TTK: variants seen among roughly 807,000 people sequenced by gnomAD.
TTK encodes the protein TTK protein kinase.
A neutral mutation model predicts 117.3 loss-of-function variants in TTK; 59 were observed. The ratio of observed to expected loss-of-function variants is 0.50; its 90% confidence interval spans 0.41 to 0.62. TTK has a LOEUF of 0.62. TTK is among the 20% of genes least tolerant of loss of function. The pLI, the probability that TTK is intolerant of heterozygous loss-of-function variation, is 0.00. For synonymous variants in TTK, 302 were observed against 325.0 expected, an observed-to-expected ratio of 0.93 and a Z score of 0.76; for missense variants, 921 against 989.4, an observed-to-expected ratio of 0.93 and a Z score of 0.93.
intron 2 of TTK, among the ~76,000 whole-genome samples, chr6:80,007,447 G>C (rs1767022138): frequency 6.6e-6 from 1 of 152,028 alleles, no homozygotes; most frequent in Non-Finnish European, 1.5e-5. Flanking sequence ...CAGTGGGAGA[G>C]ATTTAGTTTT....
chr6:80,014,138 A>T (rs1767240919), intron 9 of TTK, among the ~76,000 whole-genome samples: 1 of 152,184 alleles, frequency 6.6e-6, no homozygotes, highest in Admixed American at 6.6e-5. Context: ...AAATACTTAA[A>T]TCTTTTTTCT....
In TTK at chr6:80,042,417, C is replaced by G. The variant is rs112068592; in HGVS notation, c.*215C>G. 260 of 309,228 alleles carry G rather than the reference C, an allele frequency of 8.4e-4. No homozygotes were observed. The highest frequency in any genetic ancestry group is 1.4e-3 in the Non-Finnish European group (229 of 165,716). The allele number at this position is 309,228 out of a possible 1,614,324, so 19.2% of individuals were successfully genotyped here. A position where few individuals can be genotyped will look rare whatever the true frequency, so the allele number is the denominator to read the frequency against. On this transcript the variant is annotated 3_prime_UTR_variant, in exon 22 of 22. Coordinates refer to ENST00000369798, the MANE Select transcript of TTK (RefSeq NM_003318.5). ...AGACTTGTTTTCTCTGTTTTATGCT[C>G]TTGTGTAATCTACTTGACATCATTT... is the stretch of plus-strand genomic sequence containing the variant.
intron 18 of TTK, 113 bp downstream of exon 18, chr6:80,038,160 A>G (rs1767956749): frequency 8.4e-6 from 5 of 594,368 alleles, no homozygotes; most frequent in Non-Finnish European, 1.3e-5. Context: ...TTTTTAGGCC[A>G]TTACAGAGAC....
chr6:80,014,961 A>G (rs1288361976), intron 10 of TTK, among the ~76,000 whole-genome samples: 2 of 152,116 alleles, frequency 1.3e-5, no homozygotes, highest in African/African-American at 2.4e-5. Flanking sequence ...AGGGATATAT[A>G]AGTGGATAAA....
intron 13 of TTK, among the ~76,000 whole-genome samples, chr6:80,031,179 A>G (rs1767751236): frequency 1.3e-5 from 2 of 151,554 alleles, no homozygotes; most frequent in South Asian, 4.1e-4. Context: ...TTTTATATAT[A>G]TTTTTAAGCT....
intron 10 of TTK, among the ~76,000 whole-genome samples, chr6:80,018,726 A>G (rs1025535699): frequency 1.3e-5 from 2 of 151,996 alleles, no homozygotes; most frequent in African/African-American, 4.8e-5. Flanking sequence ...CCAGTATAAC[A>G]GTGAATAGAA....
rs1264541985 is a variant in TTK, at chr6:80,034,974, C to T, written c.1615-11C>T. The T allele has an allele frequency of 6.6e-7, 1 of 1,514,518 alleles. No homozygotes were observed. The highest frequency in any genetic ancestry group is 2.3e-5 in the East Asian group (1 of 42,862). The allele number at this position is 1,514,518 out of a possible 1,614,324, so 93.8% of individuals were successfully genotyped here. On this transcript the variant is annotated splice_polypyrimidine_tract_variant and intron_variant, in intron 14 of 21. Transcript: ENST00000369798. ...AGTATATTCTAAACTTCTCTTTGTT[C>T]TACTCTGTAGGTATTTCAGGTGTTA...
Position 80,007,998 on chromosome 6 carries a change from C to T in TTK, c.329C>T (p.Ala110Val). ...PDKYGQNESF[A>V]RIQVRFAELK... ...AAATATGGCCAAAATGAGAGTTTTG[C>T]TAGAATTCAAGTGAGATTTGCTGAA... Residue 110 changes from alanine to valine, a missense_variant, in exon 3 of 22, where the codon GCT (alanine) becomes GTT (valine). By Grantham distance (64) the Ala-to-Val change is moderately conservative (BLOSUM62 0). Transcript: ENST00000369798. The T allele has an allele frequency of 6.2e-7, 1 of 1,613,306 alleles. No individual in the cohort carries two copies. The highest frequency in any genetic ancestry group is 8.5e-7 in the Non-Finnish European group (1 of 1,179,522).
rs200207796 is a variant in TTK, at chr6:80,007,828, C to A, written c.159C>A (p.Asn53Lys). 6.2e-7 allele frequency: 1 copy of A among 1,610,808 alleles called. No individual in the cohort carries two copies. The highest frequency in any genetic ancestry group is 8.5e-7 in the Non-Finnish European group (1 of 1,178,294). ...ATTTAGATAACTCGGGAACTGTTAA[C>A]CAAATTATGATGATGGCAAACAACC... The part of the protein sequence containing the change: ...ADTTDNSGTV[N>K]QIMMMANNPE... The change falls in exon 3 of 22, where the codon AAC becomes AAA. Residue 53 changes from asparagine to lysine, a missense_variant. Asn to Lys is a moderately conservative substitution (Grantham distance 94). Transcript: ENST00000369798.
intron 9 of TTK, 146 bp from the exon 10 acceptor site, chr6:80,014,317 C>A: frequency 1.8e-6 from 1 of 565,874 alleles, no homozygotes; most frequent in Non-Finnish European, 2.7e-6. Flanking sequence ...TTAACCTTTG[C>A]TGGGGGTTTG....
Position 80,031,551 on chromosome 6 carries a change from T to C in TTK, c.1606T>C (p.Ser536Pro). 6.6e-7 allele frequency: 1 copy of C among 1,510,924 alleles called. No homozygotes were observed. The highest frequency in any genetic ancestry group is 1.4e-5 in the South Asian group (1 of 71,924). 93.6% of individuals were successfully genotyped at this position (1,510,924 alleles called of 1,614,324 possible). A position where few individuals can be genotyped will look rare whatever the true frequency, so the allele number is the denominator to read the frequency against. The change falls in exon 14 of 22, where the codon TCA becomes CCA. Residue 536 changes from serine to proline, a missense_variant. Ser to Pro is a moderately conservative substitution (Grantham distance 74, BLOSUM62 -1). Transcript: ENST00000369798. ...SILKQIGSGG[S>P]SKVFQVLNEK... Reference sequence around the variant, plus strand: ...ATTAAAGCAGATAGGAAGTGGAGGTTCAAGCAAGGTAAGTATCTTAAAATA... The same window carrying C: ...ATTAAAGCAGATAGGAAGTGGAGGTCCAAGCAAGGTAAGTATCTTAAAATA...
intron 11 of TTK, among the ~76,000 whole-genome samples, chr6:80,025,972 A>G (rs1284089006): frequency 8.4e-6 from 1 of 119,106 alleles, no homozygotes; most frequent in African/African-American, 3.4e-5. Flanking sequence ...TTGCTAAGTA[A>G]TTAGTATTTG....
In TTK at chr6:80,005,787, T is replaced by A. The variant is rs183311038; in HGVS notation, c.-2-55T>A. 6.4e-5 allele frequency: 101 copies of A among 1,581,670 alleles called. No individual in the cohort carries two copies. In the East Asian group the frequency reaches 2.2e-3, roughly 34 times the overall value. ...CTGGGTTCTAAAAAGCTAGTGCATT[T>A]TTTTCTTTGATGCTAGTTAAAGTAG... On this transcript the variant is annotated intron_variant, in intron 1 of 21. Transcript: ENST00000369798.
At chr6:80,019,622 C>T (rs1004262626) in intron 10 of TTK, among the ~76,000 whole-genome samples, 3 of 152,150 alleles carry the variant, frequency 2.0e-5, no homozygotes, top group African/African-American at 7.2e-5. Context: ...ACCATTTTTA[C>T]AGTCTGAGTA....
intron 1 of TTK, among the ~76,000 whole-genome samples, chr6:80,005,190 C>A (rs1269013504): frequency 6.6e-6 from 1 of 151,674 alleles, no homozygotes; most frequent in African/African-American, 2.4e-5. Context: ...GTTTGAGAGT[C>A]ACAAAGATAC....
rs78839031 is a variant in TTK at position 80,010,319 on chromosome 6, G to A, written c.470-495G>A. ...ATCTGTATTTATTATGTTTTTCCCC[G>A]AAAATCCTTTTGATGGAAGATGCTC... On this transcript the variant is annotated intron_variant, in intron 4 of 21. Coordinates refer to ENST00000369798, the MANE Select transcript of TTK (RefSeq NM_003318.5). 4.6e-3 allele frequency among the ~76,000 whole-genome samples: 700 copies of A among 151,632 alleles called. 5 individuals carry two copies. The highest frequency in any genetic ancestry group is 0.016 in the African/African-American group (648 of 41,386).
chr6:80,028,778 A>T (rs1045916978), intron 13 of TTK, among the ~76,000 whole-genome samples: 1 of 152,150 alleles, frequency 6.6e-6, no homozygotes, highest in African/African-American at 2.4e-5. Flanking sequence ...AAGAGGAAAG[A>T]TTTTTTGCTG....
chr6:80,006,009 G>C (rs1240873793), intron 2 of TTK, 27 bp downstream of exon 2: 9 of 1,593,248 alleles, frequency 5.6e-6, no homozygotes, highest in Non-Finnish European at 6.8e-6. Flanking sequence ...TTTTAAGTTA[G>C]TAACTGTTTG....
At chr6:80,026,543 G>A (rs774449057) in intron 12 of TTK, 29 bp downstream of exon 12, 45 of 1,611,458 alleles carry the variant, frequency 2.8e-5, no homozygotes, top group Non-Finnish European at 3.7e-5. Flanking sequence ...TGCTTGATTG[G>A]CAGGGTGGTA....
Sources: allele counts gnomAD v4.1 joint callset (sites outside exome capture counted in the v4.1 genomes callset), GRCh38; gene constraint gnomAD v4.1.1; transcripts MANE v1.5; gene names NCBI Gene and HGNC (gene_info 2026-07-23, HGNC 2026-07-21).